ROBO2: variants seen among roughly 807,000 people sequenced by gnomAD.
The protein encoded by ROBO2 is roundabout homolog 2.
In ROBO2, 53 loss-of-function variants were observed where a neutral mutation model predicts 160.8. The observed-to-expected ratio is 0.33, with a 90% CI of 0.26 to 0.41. ROBO2 has a LOEUF of 0.41. Ranked by LOEUF, ROBO2 falls within the 10% of genes least tolerant of loss-of-function variation. The probability of loss-of-function intolerance (pLI) is 1.00; values close to 1 mark genes in which losing one functional copy is unlikely to be tolerated. For missense variants in ROBO2, 1,577 were observed against 1,722.4 expected (o/e 0.92, Z 1.49); for synonymous variants, 664 against 611.7 (o/e 1.09, Z -1.26).
intron 2 of ROBO2, among the ~76,000 whole-genome samples, chr3:76,314,773 T>A (rs1435610832): frequency 6.6e-6 from 1 of 152,058 alleles, no homozygotes; most frequent in Non-Finnish European, 1.5e-5. Context: ...TAATCAACAG[T>A]TTATGTTACT....
intron 2 of ROBO2, among the ~76,000 whole-genome samples, chr3:77,321,229 A>AT (rs2064659943): frequency 6.6e-6 from 1 of 152,150 alleles, no homozygotes; most frequent in Non-Finnish European, 1.5e-5. Context: ...TATTAGAAAT[A>AT]TTTTAGGCTG....
chr3:75,965,277 G>A (rs1235371145), intron 2 of ROBO2, among the ~76,000 whole-genome samples: 1 of 151,746 alleles, frequency 6.6e-6, no homozygotes, highest in Non-Finnish European at 1.5e-5. Flanking sequence ...ACTCTGTGTT[G>A]CAGATATGGA....
chr3:77,105,002 T>G (rs1400082541), intron 2 of ROBO2, among the ~76,000 whole-genome samples: 3 of 152,214 alleles, frequency 2.0e-5, no homozygotes, highest in African/African-American at 7.2e-5. Context: ...GTATTTGTTC[T>G]GAAAGCTGGC....
Position 76,450,486 on chromosome 3 carries a change from C to G in ROBO2, c.109+512884C>G, listed in dbSNP as rs1008154514. 3.3e-5 allele frequency among the ~76,000 whole-genome samples: 5 copies of G among 151,998 alleles called. No homozygotes were observed. The East Asian group carries it at 7.7e-4, about 23-fold the overall frequency. ...AAAATGATGAAAATTTTAACTTATT[C>G]TATTATTTGTAAAAATGTGGAGTCC... On this transcript the variant is annotated intron_variant, in intron 2 of 26. Coordinates refer to the ROBO2 transcript ENST00000487694.
chr3:76,590,500 CAACT>C (rs1248421787), intron 2 of ROBO2, among the ~76,000 whole-genome samples: 2 of 152,112 alleles, frequency 1.3e-5, no homozygotes, highest in Non-Finnish European at 2.9e-5. Context: ...ACACATCAAC[CAACT>C]GACAGAGTAA....
At chr3:76,412,052 G>A (rs2075515242) in intron 2 of ROBO2, among the ~76,000 whole-genome samples, 1 of 152,186 alleles carries the variant, frequency 6.6e-6, no homozygotes, top group Non-Finnish European at 1.5e-5. Context: ...CATGGCTGGG[G>A]AGGCCTCAGA....
rs368715431 is a variant in ROBO2, at chr3:76,413,509, GTTC to G, written c.109+475912_109+475914del. Among the ~76,000 whole-genome samples, 26 of 152,264 alleles carry G rather than the reference GTTC, an allele frequency of 1.7e-4. No homozygotes were observed. The East Asian group carries it at 5.0e-3, about 29-fold the overall frequency. On this transcript the variant is annotated intron_variant, in intron 2 of 26. Transcript: ENST00000487694. Reference sequence around the variant, plus strand: ...TCTTGAATGCTTTGCTGCTTAGAAAGTTCTTCTGCCAGATACCCTAAATCATCT... The same window carrying G: ...TCTTGAATGCTTTGCTGCTTAGAAAGTTCTGCCAGATACCCTAAATCATCT...
intron 2 of ROBO2, among the ~76,000 whole-genome samples, chr3:77,282,382 C>T (rs548144748): frequency 1.6e-3 from 246 of 152,114 alleles, no homozygotes; most frequent in Middle Eastern, 3.4e-3. Context: ...CTGACAGGTA[C>T]TGCTGATGAA....
chr3:77,508,094 A>G (rs1041937107), intron 5 of ROBO2, among the ~76,000 whole-genome samples: 1 of 151,788 alleles, frequency 6.6e-6, no homozygotes, highest in African/African-American at 2.4e-5. Flanking sequence ...TCTTATATGA[A>G]TGTAGAAAGA....
intron 2 of ROBO2, among the ~76,000 whole-genome samples, chr3:76,937,312 G>C (rs2149088991): frequency 6.6e-6 from 1 of 151,534 alleles, no homozygotes; most frequent in African/African-American, 2.4e-5. Context: ...TATGAGAAAA[G>C]CTTTGCAAAA....
chr3:77,400,442 CT>C (rs1295843487), intron 2 of ROBO2, among the ~76,000 whole-genome samples: 1 of 152,072 alleles, frequency 6.6e-6, no homozygotes, highest in African/African-American at 2.4e-5. Context: ...TTTGGGGGGC[CT>C]TTTAAAGTAA....
chr3:76,518,937 CTCA>C (rs2107847494), intron 2 of ROBO2, among the ~76,000 whole-genome samples: 2 of 152,252 alleles, frequency 1.3e-5, no homozygotes, highest in Admixed American at 6.5e-5. Flanking sequence ...GACGTACAAA[CTCA>C]TCATAATACC....
intron 2 of ROBO2, among the ~76,000 whole-genome samples, chr3:76,946,477 G>T (rs1184220241): frequency 6.6e-6 from 1 of 151,874 alleles, no homozygotes; most frequent in Non-Finnish European, 1.5e-5. Context: ...TTACTCTGTC[G>T]CCCAGGCTGG....
intron 2 of ROBO2, among the ~76,000 whole-genome samples, chr3:76,375,951 G>A (rs1011432627): frequency 6.6e-6 from 1 of 151,890 alleles, no homozygotes; most frequent in African/African-American, 2.4e-5. Flanking sequence ...TATCTTCTAT[G>A]CCCTTCATAG....
intron 2 of ROBO2, among the ~76,000 whole-genome samples, chr3:77,424,053 A>G (rs997113819): frequency 6.6e-6 from 1 of 152,164 alleles, no homozygotes; most frequent in African/African-American, 2.4e-5. Context: ...TCAGAAAAAT[A>G]CCTTGATATT....
chr3:76,807,378 T>C (rs1402403379), intron 2 of ROBO2, among the ~76,000 whole-genome samples: 1 of 152,076 alleles, frequency 6.6e-6, no homozygotes, highest in African/African-American at 2.4e-5. Context: ...AATATCTCTT[T>C]ATAAATGCTT....
rs2078032307 is a variant in ROBO2, at chr3:76,404,732, CAT to C, written c.109+467132_109+467133del. ...TGGGTTGGGAGTAGCTATCAAAAAA[CAT>C]AATGGTAGAATACATTGAAGAGTGA... On this transcript the variant is annotated intron_variant, in intron 2 of 26. Coordinates refer to the ROBO2 transcript ENST00000487694. Among the ~76,000 whole-genome samples the C allele has an allele frequency of 2.0e-5, 3 of 151,504 alleles. No individual in the cohort carries two copies. In the South Asian group the frequency reaches 6.2e-4, roughly 31 times the overall value.
chr3:76,667,557 G>T (rs114270407), intron 2 of ROBO2, among the ~76,000 whole-genome samples: 2 of 139,524 alleles, frequency 1.4e-5, no homozygotes, highest in Admixed American at 7.3e-5. Context: ...AAATAAGCAG[G>T]TTAATGATCA....
At chr3:76,333,508 C>T (rs1052338911) in intron 2 of ROBO2, among the ~76,000 whole-genome samples, 1 of 152,056 alleles carries the variant, frequency 6.6e-6, no homozygotes, top group African/African-American at 2.4e-5. Flanking sequence ...GATAATTGCT[C>T]TACTTGATGG....
Sources: allele counts gnomAD v4.1 joint callset (sites outside exome capture counted in the v4.1 genomes callset), GRCh38; gene constraint gnomAD v4.1.1; transcripts MANE v1.5; gene names NCBI Gene and HGNC (gene_info 2026-07-23, HGNC 2026-07-21).